TRPM3: variants seen among roughly 807,000 people sequenced by gnomAD.
TRPM3 encodes the protein transient receptor potential cation channel subfamily M member 3.
TRPM3 carries 77 observed loss-of-function variants against 181.2 expected under a neutral mutation model. The observed-to-expected ratio is 0.42, with a 90% confidence interval of 0.35 to 0.51. TRPM3 has a LOEUF of 0.51. Ranked by LOEUF, TRPM3 falls within the 20% of genes least tolerant of loss-of-function variation. The probability of loss-of-function intolerance (pLI) is 0.01; values close to 1 mark genes in which losing one functional copy is unlikely to be tolerated. For missense variants in TRPM3, 1,759 were observed against 2,196.7 expected, an observed-to-expected ratio of 0.80 and a Z score of 3.98; for synonymous variants, 745 against 796.4, an observed-to-expected ratio of 0.94 and a Z score of 1.09.
At chr9:70,558,125 A>T (rs191851301) in intron 22 of TRPM3, among the ~76,000 whole-genome samples, 304 of 152,282 alleles carry the variant, frequency 2.0e-3, no homozygotes, top group Non-Finnish European at 3.6e-3. Flanking sequence ...TGTTGAAACT[A>T]GTATAAAAGA....
chr9:71,445,880 T>C lies in TRPM3; in HGVS notation c.183+773A>G, dbSNP rs559788022. 2.6e-5 allele frequency among the ~76,000 whole-genome samples: 4 copies of C among 152,358 alleles called. No homozygotes were observed. The East Asian group carries it at 7.7e-4, about 29-fold the overall frequency. The stretch of plus-strand genomic sequence containing the variant: ...TTCCCCAGGAGCAACAGGAGGACTT[T>C]GCACTCTCTTCTAGAACAGCGTTCT... On this transcript the variant is annotated intron_variant, in intron 1 of 24. Transcript: ENST00000357533.
Position 71,100,467 on chromosome 9 carries a change from T to C in TRPM3, c.177+20711A>G, listed in dbSNP as rs146884278. Among the ~76,000 whole-genome samples, 1,313 of 152,252 alleles carry C rather than the reference T, an allele frequency of 8.6e-3. 19 individuals are homozygous for C. The highest frequency in any genetic ancestry group is 0.029 in the African/African-American group (1,221 of 41,556). On this transcript the variant is annotated intron_variant, in intron 1 of 25. Transcript: ENST00000677713. ...CAGCTCATCACAACAGTTCCTTCAG[T>C]CTAATTAACCCTAGGAATAATTCTA...
At chr9:70,991,478 T>C (rs2097483909) in intron 1 of TRPM3, among the ~76,000 whole-genome samples, 1 of 152,104 alleles carries the variant, frequency 6.6e-6, no homozygotes, top group African/African-American at 2.4e-5. Flanking sequence ...GAAGCACATA[T>C]TTGCTGTATC....
At chr9:70,695,470 GC>G (rs1417294214) in intron 8 of TRPM3, among the ~76,000 whole-genome samples, 1 of 152,102 alleles carries the variant, frequency 6.6e-6, no homozygotes, top group East Asian at 1.9e-4. Flanking sequence ...TGGCAGCTTT[GC>G]CCAGTCTGTT....
intron 1 of TRPM3, among the ~76,000 whole-genome samples, chr9:71,370,405 G>T (rs997772558): frequency 1.3e-5 from 2 of 152,088 alleles, no homozygotes; most frequent in African/African-American, 4.8e-5. Flanking sequence ...TACTACTACA[G>T]TGAACACACA....
chr9:70,986,977 T>C (rs1329008836), intron 1 of TRPM3, among the ~76,000 whole-genome samples: 1 of 151,800 alleles, frequency 6.6e-6, no homozygotes, highest in African/African-American at 2.4e-5. Context: ...TGGGTGACTT[T>C]TGAGTACTTG....
intron 22 of TRPM3, among the ~76,000 whole-genome samples, chr9:70,588,618 A>G (rs903433817): frequency 6.6e-6 from 1 of 152,214 alleles, no homozygotes; most frequent in Non-Finnish European, 1.5e-5. Context: ...CTGTGGGTCC[A>G]GGCGGATATG....
At chr9:70,779,156 T>A (rs1038544420) in intron 7 of TRPM3, among the ~76,000 whole-genome samples, 9 of 152,132 alleles carry the variant, frequency 5.9e-5, no homozygotes, top group African/African-American at 2.2e-4. Context: ...ATTCTCCTGC[T>A]CCCAAGCCAT....
chr9:70,970,032 G>A (rs973442268), intron 1 of TRPM3, among the ~76,000 whole-genome samples: 1 of 151,974 alleles, frequency 6.6e-6, no homozygotes, highest in African/African-American at 2.4e-5. Context: ...ATAAGCAGCA[G>A]AAAGAACAAG....
Position 70,685,339 on chromosome 9 carries a change from C to G in TRPM3, c.1273-3761G>C, listed in dbSNP as rs10868873. On this transcript the variant is annotated intron_variant, in intron 8 of 25. Transcript: ENST00000677713. ...TATGGCAATGTTTTCATTCCTCTCT[C>G]TGTTTCACTATATCAAAATCATGGT... Among the ~76,000 whole-genome samples the G allele has an allele frequency of 2.6e-5, 4 of 151,886 alleles. No homozygotes were observed. The East Asian group carries it at 5.8e-4, about 22-fold the overall frequency.
At chr9:70,895,042 G>T (rs1326599345) in intron 1 of TRPM3, among the ~76,000 whole-genome samples, 1 of 152,106 alleles carries the variant, frequency 6.6e-6, no homozygotes, top group African/African-American at 2.4e-5. Flanking sequence ...GCCCAAAGAT[G>T]CTAATAGTAT....
chr9:71,187,889 TGATAGATAGATAGATA>T (rs5898183), intron 1 of TRPM3, among the ~76,000 whole-genome samples: 8,241 of 146,134 alleles, frequency 0.056, 282 homozygotes, highest in Admixed American at 0.098. Context: ...GGCAGACAGA[TGATAGATAGATAGATA>T]GATAGATAGA....
intron 6 of TRPM3, among the ~76,000 whole-genome samples, chr9:70,784,997 G>GA (rs1447167535): frequency 6.6e-6 from 1 of 152,140 alleles, no homozygotes; most frequent in Non-Finnish European, 1.5e-5. Flanking sequence ...AAGTAGCTGG[G>GA]ATTATAGGCA....
At chr9:71,028,766 A>G (rs2056915719) in intron 1 of TRPM3, among the ~76,000 whole-genome samples, 1 of 152,204 alleles carries the variant, frequency 6.6e-6, no homozygotes. Context: ...ACTATTCTAA[A>G]TATATATGCA....
At chr9:70,786,811 T>C (rs745894466) in intron 6 of TRPM3, among the ~76,000 whole-genome samples, 8 of 152,202 alleles carry the variant, frequency 5.3e-5, no homozygotes, top group African/African-American at 1.2e-4. Context: ...TTATATCAGA[T>C]GATATATTTA....
At chr9:70,657,807 C>T (rs570278234) in intron 9 of TRPM3, among the ~76,000 whole-genome samples, 57 of 152,076 alleles carry the variant, frequency 3.7e-4, no homozygotes, top group South Asian at 3.5e-3. Context: ...TAGAAGACGC[C>T]GATCAAAGTA....
intron 1 of TRPM3, among the ~76,000 whole-genome samples, chr9:71,331,752 AGG>A (rs2090147306): frequency 2.4e-5 from 2 of 84,176 alleles, no homozygotes; most frequent in South Asian, 1.0e-3. Context: ...GAGGAGGAAA[AGG>A]GGGAGAAAAA....
chr9:70,843,128 C>CT lies in TRPM3; in HGVS notation c.677-2dup, dbSNP rs752209069. On this transcript the variant is annotated splice_acceptor_variant, in intron 4 of 25. Transcript: ENST00000677713. LOFTEE classifies it high-confidence loss of function. ...GCATCGCCAACATGACGAATAACAC[C>CT]TAAAAAAAAAAGAGAAGCATTGATT... 3 of 1,506,184 alleles carry CT rather than the reference C, an allele frequency of 2.0e-6. No homozygotes were observed. Among genetic ancestry groups the CT allele is most frequent in the South Asian group, 1.2e-5 (1 of 82,862 alleles). The allele number at this position is 1,506,184 out of a possible 1,614,324, so 93.3% of individuals were successfully genotyped here.
chr9:71,397,341 TA>T (rs1237646693), intron 1 of TRPM3, among the ~76,000 whole-genome samples: 1 of 152,208 alleles, frequency 6.6e-6, no homozygotes, highest in Non-Finnish European at 1.5e-5. Context: ...AAGGGGCCTT[TA>T]AGTATAATTG....
Sources: gnomAD v4.1 joint callset for allele counts (sites outside exome capture counted in the v4.1 genomes callset) on GRCh38, gnomAD v4.1.1 for gene constraint, MANE v1.5 for transcripts, NCBI Gene and HGNC (gene_info 2026-07-23, HGNC 2026-07-21) for gene names.